WDR86: variants seen among roughly 807,000 people sequenced by gnomAD.
WDR86 encodes WD repeat domain 86.
A neutral mutation model predicts 36.5 loss-of-function variants in WDR86; 30 were observed. The ratio of observed to expected loss-of-function variants is 0.82; its 90% confidence interval spans 0.61 to 1.11. WDR86 has a LOEUF of 1.11. Ranked by LOEUF, WDR86 falls within the 50% of genes most tolerant of loss-of-function variation. The pLI, the probability that WDR86 is intolerant of heterozygous loss-of-function variation, is 0.00. For synonymous variants in WDR86, 255 were observed against 252.9 expected, an observed-to-expected ratio of 1.01 and a Z score of -0.08; for missense variants, 545 against 561.2, an observed-to-expected ratio of 0.97 and a Z score of 0.29.
Position 151,381,353 on chromosome 7 carries a change from G to A in WDR86, c.*229C>T. The A allele has an allele frequency of 7.1e-7, 1 of 1,409,666 alleles. No homozygotes were observed. The highest frequency in any genetic ancestry group is 1.5e-5 in the South Asian group (1 of 66,184). 87.3% of individuals were successfully genotyped at this position (1,409,666 alleles called of 1,614,324 possible). A position where few individuals can be genotyped will look rare whatever the true frequency, so the allele number is the denominator to read the frequency against. The stretch of plus-strand genomic sequence containing the variant: ...TCAGGGATGGGGAGGGAGGACAGGA[G>A]CCACCCTAAAAGGGAAAAGGGGGCG... On this transcript the variant is annotated 3_prime_UTR_variant, in exon 6 of 6. Coordinates refer to ENST00000334493, the MANE Select transcript of WDR86 (RefSeq NM_198285.3). The surrounding 1 kb of genome is among the most constrained non-coding windows in gnomAD (Gnocchi z 4.8).
rs61487114 is a variant in WDR86 at position 151,383,178 on chromosome 7, T to TGG, written c.863-1199_863-1198dup. Reference sequence around the variant, plus strand: ...TTTTAAAAAAAACGGGGCGGCGGGGTGGGGGGGGGGAGCTGGGCACAGTGG... The same window carrying TGG: ...TTTTAAAAAAAACGGGGCGGCGGGGTGGGGGGGGGGGGAGCTGGGCACAGTGG... On this transcript the variant is annotated intron_variant, in intron 4 of 5. Transcript: ENST00000334493. Among the ~76,000 whole-genome samples the TGG allele has an allele frequency of 7.9e-3, 461 of 58,484 alleles. 1 individual carries two copies. Among genetic ancestry groups the TGG allele is most frequent in the Middle Eastern group, 0.016 (2 of 128 alleles). 38.4% of individuals were successfully genotyped at this position (58,484 alleles called of 152,430 possible).
downstream of WDR86, chr7:151,377,385 C>T (rs1019912292): frequency 2.0e-6 from 1 of 511,824 alleles, no homozygotes; most frequent in Non-Finnish European, 3.4e-6. Context: ...GTCCCAGGGC[C>T]TTCATGCGTG....
At chr7:151,377,291 G>C, downstream of WDR86, 1 of 1,119,258 alleles carries the variant, frequency 8.9e-7, no homozygotes, top group Non-Finnish European at 1.2e-6. Flanking sequence ...GGCTAATGCA[G>C]CTCTTTCTGT....
chr7:151,395,252 G>A (rs1004409102), intron 3 of WDR86, among the ~76,000 whole-genome samples: 5 of 152,220 alleles, frequency 3.3e-5, no homozygotes, highest in Admixed American at 1.3e-4. Context: ...GTCAACACCC[G>A]CTCCAGGCGC....
downstream of WDR86, chr7:151,374,372 G>T: frequency 1.6e-6 from 2 of 1,234,046 alleles, no homozygotes; most frequent in South Asian, 1.3e-5. Flanking sequence ...GATCTGAAGG[G>T]CAGGTTTCTC....
rs960619714 is a variant in WDR86 at position 151,381,150 on chromosome 7, GT to G, written c.*431del. Reference sequence around the variant, plus strand: ...TTTAACGTTCAGGCTGTATATTTCAGTTCCCCCCAAGGCCCTCGAGACGGAC... The same window carrying G: ...TTTAACGTTCAGGCTGTATATTTCAGTCCCCCCAAGGCCCTCGAGACGGAC... On this transcript the variant is annotated 3_prime_UTR_variant, in exon 6 of 6. Coordinates refer to ENST00000334493, the MANE Select transcript of WDR86 (RefSeq NM_198285.3). The surrounding 1 kb of genome is among the most constrained non-coding windows in gnomAD (Gnocchi z 4.8). The G allele has an allele frequency of 2.5e-5, 31 of 1,241,590 alleles. No individual in the cohort carries two copies. In the African/African-American group the frequency reaches 4.8e-4, roughly 19 times the overall value. 76.9% of individuals were successfully genotyped at this position (1,241,590 alleles called of 1,614,324 possible).
In WDR86 at chr7:151,406,424, A is replaced by G; in HGVS notation, c.163+3003T>C. On this transcript the variant is annotated intron_variant, in intron 1 of 5. Transcript: ENST00000334493. The surrounding 1 kb of genome is among the most constrained non-coding windows in gnomAD (Gnocchi z 4.4). ...AGCGTACGTAGGAGTCGCCAGCCCC[A>G]GCCACTCTGCTCGAGAAATCCAGGA... 6.6e-6 allele frequency among the ~76,000 whole-genome samples: 1 copy of G among 152,198 alleles called. No individual in the cohort carries two copies. Among genetic ancestry groups the G allele is most frequent in the South Asian group, 2.1e-4 (1 of 4,832 alleles).
rs11975357 is a variant in WDR86, at chr7:151,409,847, C to T, written c.-258G>A. On this transcript the variant is annotated 5_prime_UTR_variant, in exon 1 of 6. Transcript: ENST00000334493. This position sits in a 1 kb window ranked among gnomAD's most constrained non-coding sequence, Gnocchi z 5.2. ...TCCGCCCTGGGTAGAGTCCTGGGCG[C>T]GCGGGCAGAGAGAACCCCCTTCCCA... The T allele has an allele frequency of 0.12, 150,597 of 1,217,510 alleles. 9,414 individuals are homozygous for T. Among genetic ancestry groups the T allele is most frequent in the African/African-American group, 0.14 (8,917 of 63,608 alleles). 75.4% of individuals were successfully genotyped at this position (1,217,510 alleles called of 1,614,324 possible).
At chr7:151,394,962 C>T (rs1773925467) in intron 3 of WDR86, among the ~76,000 whole-genome samples, 1 of 152,188 alleles carries the variant, frequency 6.6e-6, no homozygotes, top group Non-Finnish European at 1.5e-5. Context: ...ATTTTTGGAA[C>T]TTTTTGGATT....
Position 151,385,339 on chromosome 7 carries a change from A to C in WDR86, c.727-116T>G. The C allele has an allele frequency of 2.7e-6, 4 of 1,499,852 alleles. No individual in the cohort carries two copies. The South Asian group carries it at 5.1e-5, about 19-fold the overall frequency. 92.9% of individuals were successfully genotyped at this position (1,499,852 alleles called of 1,614,324 possible). ...GGTCTCAGTGGTGAAACCATGGGTG[A>C]GCCTCGAATGGCCCCGCCACCGGCC... On this transcript the variant is annotated intron_variant, in intron 3 of 5. Coordinates refer to ENST00000334493, the MANE Select transcript of WDR86 (RefSeq NM_198285.3).
downstream of WDR86, chr7:151,374,293 G>T: frequency 6.5e-7 from 1 of 1,541,668 alleles, no homozygotes. Flanking sequence ...AGTGGGTCCT[G>T]CCCAGAGCTC....
At chr7:151,404,575 C>T (rs1272201613) in intron 1 of WDR86, among the ~76,000 whole-genome samples, 8 of 152,184 alleles carry the variant, frequency 5.3e-5, no homozygotes, top group African/African-American at 1.2e-4. Context: ...ACCCCAACCC[C>T]GAGGACCCTA....
intron 3 of WDR86, among the ~76,000 whole-genome samples, chr7:151,394,790 C>T (rs759684755): frequency 4.6e-5 from 7 of 152,208 alleles, no homozygotes; most frequent in African/African-American, 1.4e-4. Context: ...TGGGACAATG[C>T]GTTCGAGGAT....
rs1801049609 is a variant in WDR86, at chr7:151,409,618, A to T, written c.-29T>A. The T allele has an allele frequency of 1.5e-6, 2 of 1,350,144 alleles. No homozygotes were observed. Among genetic ancestry groups the T allele is most frequent in the Non-Finnish European group, 1.9e-6 (2 of 1,055,526 alleles). The allele number at this position is 1,350,144 out of a possible 1,614,324, so 83.6% of individuals were successfully genotyped here. ...GCTGGCAGGGCGGGGAACAAGAAGG[A>T]GCTGCGCCCCGCTAGGGAGGGGCGC... On this transcript the variant is annotated 5_prime_UTR_variant, in exon 1 of 6. Coordinates refer to ENST00000334493, the MANE Select transcript of WDR86 (RefSeq NM_198285.3). The surrounding 1 kb of genome is among the most constrained non-coding windows in gnomAD (Gnocchi z 5.2).
At chr7:151,396,668 G>C (rs1799846467) in intron 2 of WDR86, among the ~76,000 whole-genome samples, 3 of 119,334 alleles carry the variant, frequency 2.5e-5, no homozygotes, top group African/African-American at 6.7e-5. Flanking sequence ...GTCACCCTGG[G>C]AACAGGGCCG....
In WDR86 at chr7:151,388,131, C is replaced by G. The variant is rs973164847; in HGVS notation, c.727-2908G>C. On this transcript the variant is annotated intron_variant, in intron 3 of 5. Transcript: ENST00000334493. The surrounding 1 kb of genome is among the most constrained non-coding windows in gnomAD (Gnocchi z 4.2). ...CAGGGCTTTTGCAGCCAGAGACTGC[C>G]CCACGACATCCTTGCTGTGGTCCCC... is the stretch of plus-strand genomic sequence containing the variant. Among the ~76,000 whole-genome samples the G allele has an allele frequency of 6.6e-6, 1 of 152,200 alleles. No individual in the cohort carries two copies. Among genetic ancestry groups the G allele is most frequent in the African/African-American group, 2.4e-5 (1 of 41,444 alleles).
downstream of WDR86, chr7:151,376,921 G>A (rs954562844): frequency 2.1e-5 from 30 of 1,433,328 alleles, no homozygotes; most frequent in African/African-American, 1.0e-4. Context: ...GTCCCCTGAC[G>A]TCACCGGGCC....
Position 151,401,060 on chromosome 7 carries a change from C to T in WDR86, c.164-819G>A, listed in dbSNP as rs1037642039. ...TGCATGAGCACCCAGAACATGCTTC[C>T]CAGCAACCCCCTTGCCCACCTGCTC... On this transcript the variant is annotated intron_variant, in intron 1 of 5. Transcript: ENST00000334493. The surrounding 1 kb of genome is among the most constrained non-coding windows in gnomAD (Gnocchi z 4.3). Among the ~76,000 whole-genome samples, 3 of 152,190 alleles carry T rather than the reference C, an allele frequency of 2.0e-5. No individual in the cohort carries two copies. The highest frequency in any genetic ancestry group is 1.3e-4 in the Admixed American group (2 of 15,290).
At chr7:151,379,920 G>A (rs1342412324), downstream of WDR86, among the ~76,000 whole-genome samples, 1 of 152,182 alleles carries the variant, frequency 6.6e-6, no homozygotes, top group African/African-American at 2.4e-5. Flanking sequence ...AGCACTGCCC[G>A]CAGGCAGCAC....
Sources: gnomAD v4.1 joint callset for allele counts (sites outside exome capture counted in the v4.1 genomes callset) on GRCh38, gnomAD v4.1.1 for gene constraint, Gnocchi (gnomAD v3.1) non-coding constraint, MANE v1.5 for transcripts, NCBI Gene and HGNC (gene_info 2026-07-23, HGNC 2026-07-21) for gene names.